The following FOCAD variants were observed in gnomAD, a reference collection of about 807,000 sequenced individuals.
FOCAD encodes the protein focadhesin.
FOCAD carries 198 observed loss-of-function variants against 225.6 expected under a neutral mutation model. That is an observed-to-expected ratio of 0.88 (90% CI 0.78 to 0.99). The LOEUF is 0.99. FOCAD is among the 50% of genes least tolerant of loss of function. FOCAD has a pLI of 0.00. For missense variants in FOCAD, 2,713 were observed against 2,123.6 expected, an observed-to-expected ratio of 1.28 and a Z score of -5.46; for synonymous variants, 897 against 755.0, an observed-to-expected ratio of 1.19 and a Z score of -3.08.
At chr9:20,700,388 GT>G (rs1287661307) in intron 1 of FOCAD, among the ~76,000 whole-genome samples, 1 of 150,868 alleles carries the variant, frequency 6.6e-6, no homozygotes, top group Non-Finnish European at 1.5e-5. Flanking sequence ...TTTTACATGT[GT>G]TCTTTGATTT....
At position 20,882,027 on chromosome 9, in the gene FOCAD, A is replaced by C. The variant is rs775778874; in HGVS notation, c.2474A>C (p.Lys825Thr). The C allele has an allele frequency of 1.9e-6, 3 of 1,613,864 alleles. No homozygotes were observed. The highest frequency in any genetic ancestry group is 2.5e-6 in the Non-Finnish European group (3 of 1,179,850). Residue 825 changes from lysine to threonine, a missense_variant, in exon 20 of 44, where the codon AAG becomes ACG. By Grantham distance (78) the Lys-to-Thr change is moderately conservative. Transcript: ENST00000338382. ...ATATTGAAAATGTATGAAACAAACAAGCAACCAGGACTGAAACCTGGCCTT... is the reference window on the plus strand; with the variant it reads ...ATATTGAAAATGTATGAAACAAACACGCAACCAGGACTGAAACCTGGCCTT... ...NFILKMYETN[K>T]QPGLKPGLAG...
At chr9:20,805,296 A>G (rs190482227) in intron 11 of FOCAD, among the ~76,000 whole-genome samples, 6 of 152,316 alleles carry the variant, frequency 3.9e-5, no homozygotes, top group East Asian at 3.9e-4. Flanking sequence ...ATGAATAACT[A>G]TTGATCTGAG....
intron 21 of FOCAD, among the ~76,000 whole-genome samples, chr9:20,904,278 G>A (rs982070861): frequency 6.6e-6 from 1 of 151,932 alleles, no homozygotes; most frequent in African/African-American, 2.4e-5. Flanking sequence ...ATACCTAGGT[G>A]TGGAATTGCT....
intron 21 of FOCAD, among the ~76,000 whole-genome samples, chr9:20,905,047 G>A (rs1832844529): frequency 6.6e-6 from 1 of 151,936 alleles, no homozygotes; most frequent in Non-Finnish European, 1.5e-5. Context: ...CTTTCTTCAA[G>A]CTGTTTCTCT....
intron 5 of FOCAD, among the ~76,000 whole-genome samples, chr9:20,752,179 A>C (rs1427313716): frequency 6.6e-6 from 1 of 151,358 alleles, no homozygotes; most frequent in African/African-American, 2.4e-5. Context: ...CCCATTTGTC[A>C]ATTTTGGCTT....
intron 11 of FOCAD, among the ~76,000 whole-genome samples, chr9:20,803,404 C>T (rs749654671): frequency 5.3e-5 from 8 of 152,002 alleles, no homozygotes; most frequent in Non-Finnish European, 8.8e-5. Context: ...TTGGTGACTC[C>T]CTGAAAAATT....
At position 20,995,750 on chromosome 9, in the gene FOCAD, GA is replaced by G. The variant is rs1842014129; in HGVS notation, c.*125del. 1 of 825,764 alleles carries G rather than the reference GA, an allele frequency of 1.2e-6. No individual in the cohort carries two copies. Among genetic ancestry groups the G allele is most frequent in the Non-Finnish European group, 1.9e-6 (1 of 523,446 alleles). The allele number at this position is 825,764 out of a possible 1,614,324, so 51.2% of individuals were successfully genotyped here. ...CATGATGCAGAGAGTTAAGGGTCATGAAAAGATGGCCACATCACTGACAGCT... is the reference window on the plus strand; with the variant it reads ...CATGATGCAGAGAGTTAAGGGTCATGAAAGATGGCCACATCACTGACAGCT... On this transcript the variant is annotated 3_prime_UTR_variant, in exon 44 of 44. Coordinates refer to ENST00000338382, the MANE Select transcript of FOCAD (RefSeq NM_001375567.1).
chr9:20,902,636 T>G (rs1832649055), intron 21 of FOCAD, among the ~76,000 whole-genome samples: 1 of 151,892 alleles, frequency 6.6e-6, no homozygotes, highest in African/African-American at 2.4e-5. Flanking sequence ...TTTAAGCTGT[T>G]AAGAGATCAG....
At chr9:20,894,673 T>A (rs948585636) in intron 21 of FOCAD, among the ~76,000 whole-genome samples, 1 of 152,134 alleles carries the variant, frequency 6.6e-6, no homozygotes, top group African/African-American at 2.4e-5. Flanking sequence ...TAAAATCTGG[T>A]TGTTAGGTTT....
chr9:20,724,948 C>T (rs755199453), intron 4 of FOCAD, among the ~76,000 whole-genome samples: 18 of 152,074 alleles, frequency 1.2e-4, no homozygotes, highest in Non-Finnish European at 2.2e-4. Flanking sequence ...GCAGGTACAT[C>T]GCTTGAGGTC....
chr9:20,808,508 A>G (rs1822707099), intron 11 of FOCAD, among the ~76,000 whole-genome samples: 1 of 152,244 alleles, frequency 6.6e-6, no homozygotes, highest in Admixed American at 6.5e-5. Context: ...AAAGGGGCAG[A>G]CAATTACCTT....
At chr9:20,869,063 T>G (rs1829540041) in intron 18 of FOCAD, among the ~76,000 whole-genome samples, 1 of 152,172 alleles carries the variant, frequency 6.6e-6, no homozygotes, top group South Asian at 2.1e-4. Context: ...TTTGTAGATG[T>G]GACACTATAA....
At chr9:20,690,698 C>T (rs1487736741) in intron 1 of FOCAD, among the ~76,000 whole-genome samples, 1 of 152,046 alleles carries the variant, frequency 6.6e-6, no homozygotes, top group Non-Finnish European at 1.5e-5. Flanking sequence ...CAGATATGTG[C>T]CACCATACCT....
intron 21 of FOCAD, among the ~76,000 whole-genome samples, chr9:20,887,442 C>CTGATCT (rs1831195600): frequency 6.6e-6 from 1 of 152,066 alleles, no homozygotes; most frequent in Non-Finnish European, 1.5e-5. Context: ...ACCATGTTGG[C>CTGATCT]CAGGCTGATC....
chr9:20,664,636 C>T (rs983720111), intron 2 of FOCAD, among the ~76,000 whole-genome samples: 1 of 149,878 alleles, frequency 6.7e-6, no homozygotes, highest in East Asian at 1.9e-4. Flanking sequence ...TCTTTTCTTT[C>T]CTTTCTTTTT....
At chr9:20,846,565 T>C (rs1827133475) in intron 15 of FOCAD, among the ~76,000 whole-genome samples, 1 of 152,128 alleles carries the variant, frequency 6.6e-6, no homozygotes, top group South Asian at 2.1e-4. Flanking sequence ...AACAATATTA[T>C]GGGAGTTTCA....
At chr9:20,934,858 C>CT (rs146093880) in intron 28 of FOCAD, among the ~76,000 whole-genome samples, 35,063 of 151,344 alleles carry the variant, frequency 0.23, 4,355 homozygotes, top group South Asian at 0.33. Context: ...AACCCCACCC[C>CT]TTTTTTTTAC....
At chr9:20,887,321 G>C (rs1396039748) in intron 21 of FOCAD, among the ~76,000 whole-genome samples, 1 of 151,266 alleles carries the variant, frequency 6.6e-6, no homozygotes, top group African/African-American at 2.4e-5. Context: ...TGCAACCTCT[G>C]CCTCCTGGGT....
chr9:20,893,226 GT>G (rs576967434), intron 21 of FOCAD, among the ~76,000 whole-genome samples: 1 of 151,634 alleles, frequency 6.6e-6, no homozygotes. Flanking sequence ...TATGTACATT[GT>G]TTTTTTTAAA....
Sources: allele counts gnomAD v4.1 joint callset (sites outside exome capture counted in the v4.1 genomes callset), GRCh38; gene constraint gnomAD v4.1.1; transcripts MANE v1.5; gene names NCBI Gene and HGNC (gene_info 2026-07-23, HGNC 2026-07-21).